ATXN1: variants seen among roughly 807,000 people sequenced by gnomAD.
ATXN1 encodes ataxin-1.
ATXN1 carries 8 observed loss-of-function variants against 56.4 expected under a neutral mutation model. The ratio of observed to expected loss-of-function variants is 0.14; its 90% confidence interval spans 0.08 to 0.26. ATXN1 has a LOEUF of 0.26. Ranked by LOEUF, ATXN1 falls within the 10% of genes least tolerant of loss-of-function variation. The pLI is 1.00. For synonymous variants in ATXN1, 514 were observed against 494.6 expected, an observed-to-expected ratio of 1.04 and a Z score of -0.52; for missense variants, 987 against 1,106.5, an observed-to-expected ratio of 0.89 and a Z score of 1.53.
chr6:16,592,395 C>T (rs890144256), intron 3 of ATXN1, among the ~76,000 whole-genome samples: 10 of 152,110 alleles, frequency 6.6e-5, no homozygotes, highest in African/African-American at 1.2e-4. Flanking sequence ...TACATCATCA[C>T]GCATATGCCG....
At chr6:16,546,441 C>T (rs1282086788) in intron 4 of ATXN1, among the ~76,000 whole-genome samples, 2 of 152,158 alleles carry the variant, frequency 1.3e-5, no homozygotes, top group Non-Finnish European at 2.9e-5. Context: ...CTCCTTCAAG[C>T]CCCACCCCCA....
chr6:16,317,605 G>A (rs1216218257), intron 7 of ATXN1, among the ~76,000 whole-genome samples: 1 of 152,178 alleles, frequency 6.6e-6, no homozygotes, highest in African/African-American at 2.4e-5. Context: ...GATTACAGGT[G>A]TGAGCCACCG....
Position 16,328,475 on chromosome 6 carries a change from G to T in ATXN1, c.-160-5C>A, listed in dbSNP as rs917018105. ...CGCCAACAGCAGCTCTGGATGCTGG[G>T]AAAGGGAAGAGGGCAGTGACAAAGG... On this transcript the variant is annotated splice_polypyrimidine_tract_variant and splice_region_variant and intron_variant, in intron 6 of 7. Coordinates refer to ENST00000436367, the MANE Select transcript of ATXN1 (RefSeq NM_001128164.2). This position sits in a 1 kb window ranked among gnomAD's most constrained non-coding sequence, Gnocchi z 6.2. 143 of 1,231,700 alleles carry T rather than the reference G, an allele frequency of 1.2e-4. No homozygotes were observed. The highest frequency in any genetic ancestry group is 1.3e-4 in the Non-Finnish European group (129 of 961,216). The allele number at this position is 1,231,700 out of a possible 1,614,324, so 76.3% of individuals were successfully genotyped here.
intron 2 of ATXN1, among the ~76,000 whole-genome samples, chr6:16,717,664 C>G (rs947843295): frequency 1.3e-5 from 2 of 152,200 alleles, no homozygotes; most frequent in African/African-American, 4.8e-5. Flanking sequence ...GATTAACATT[C>G]TGGCATAACG....
chr6:16,446,253 T>C (rs1463367441), intron 6 of ATXN1, among the ~76,000 whole-genome samples: 1 of 152,152 alleles, frequency 6.6e-6, no homozygotes, highest in Non-Finnish European at 1.5e-5. Context: ...GTGGTTTTGA[T>C]TTGCATTTCT....
intron 3 of ATXN1, among the ~76,000 whole-genome samples, chr6:16,623,821 A>G (rs1234251987): frequency 6.6e-6 from 1 of 152,244 alleles, no homozygotes; most frequent in Non-Finnish European, 1.5e-5. Flanking sequence ...TGAATAGACT[A>G]AAAACCATTC....
At chr6:16,441,358 G>A (rs558076966) in intron 6 of ATXN1, among the ~76,000 whole-genome samples, 35 of 152,012 alleles carry the variant, frequency 2.3e-4, no homozygotes, top group South Asian at 4.2e-4. Context: ...AACAGAAGAC[G>A]GAGTTCTATG....
At chr6:16,414,314 G>T (rs1758859714) in intron 6 of ATXN1, among the ~76,000 whole-genome samples, 1 of 152,226 alleles carries the variant, frequency 6.6e-6, no homozygotes, top group African/African-American at 2.4e-5. Flanking sequence ...CTATCAGAGA[G>T]TGAGGTCGTA....
intron 6 of ATXN1, among the ~76,000 whole-genome samples, chr6:16,350,644 T>C (rs1761546399): frequency 6.6e-6 from 1 of 152,230 alleles, no homozygotes; most frequent in Non-Finnish European, 1.5e-5. Context: ...AGAATTTGGC[T>C]TTGGCCAAAG....
chr6:16,453,907 G>A (rs1280583539), intron 6 of ATXN1, among the ~76,000 whole-genome samples: 1 of 152,112 alleles, frequency 6.6e-6, no homozygotes, highest in African/African-American at 2.4e-5. Flanking sequence ...TTGGGAGGCT[G>A]AGTCAGGCGG....
chr6:16,417,151 C>T (rs1758927254), intron 6 of ATXN1, among the ~76,000 whole-genome samples: 1 of 152,176 alleles, frequency 6.6e-6, no homozygotes, highest in Non-Finnish European at 1.5e-5. Flanking sequence ...CCCACCTCAG[C>T]TTCCCCAGTA....
chr6:16,559,498 G>A (rs1274081268), intron 4 of ATXN1, among the ~76,000 whole-genome samples: 1 of 152,152 alleles, frequency 6.6e-6, no homozygotes, highest in East Asian at 1.9e-4. Context: ...GGTTTTCCAG[G>A]ACACACTGTT....
In ATXN1 at chr6:16,410,863, G is replaced by A. The variant is rs111964724; in HGVS notation, c.-161+75109C>T. The stretch of plus-strand genomic sequence containing the variant: ...TGGGTGGCCAGGCACAGTGGCTCAC[G>A]CCTGTAATCCCAGCTCTTTGGGAGG... On this transcript the variant is annotated intron_variant, in intron 6 of 7. Transcript: ENST00000436367. The surrounding 1 kb of genome is among the most constrained non-coding windows in gnomAD (Gnocchi z 4.6). Among the ~76,000 whole-genome samples the A allele has an allele frequency of 0.014, 2,108 of 152,238 alleles. 54 individuals carry two copies. Among genetic ancestry groups the A allele is most frequent in the African/African-American group, 0.048 (1,986 of 41,542 alleles).
At chr6:16,361,346 G>C (rs1269013321) in intron 6 of ATXN1, among the ~76,000 whole-genome samples, 1 of 152,156 alleles carries the variant, frequency 6.6e-6, no homozygotes, top group Non-Finnish European at 1.5e-5. Context: ...TGTACCATTT[G>C]GTATTCATTA....
At chr6:16,743,878 G>A (rs895057181) in intron 2 of ATXN1, among the ~76,000 whole-genome samples, 12 of 152,130 alleles carry the variant, frequency 7.9e-5, no homozygotes, top group Non-Finnish European at 2.9e-5. Flanking sequence ...GACGTGGGAC[G>A]AATACAGGGC....
chr6:16,614,362 C>T (rs1763166818), intron 3 of ATXN1, among the ~76,000 whole-genome samples: 1 of 151,692 alleles, frequency 6.6e-6, no homozygotes, highest in South Asian at 2.1e-4. Flanking sequence ...AGCTCTACCT[C>T]TTGGTGGGCC....
chr6:16,319,357 C>T (rs1381749595), intron 7 of ATXN1, among the ~76,000 whole-genome samples: 2 of 152,166 alleles, frequency 1.3e-5, no homozygotes, highest in East Asian at 3.8e-4. Flanking sequence ...AGGCGACATA[C>T]CGGATGATTC....
At chr6:16,401,368 G>A (rs1432707103) in intron 6 of ATXN1, among the ~76,000 whole-genome samples, 1 of 152,124 alleles carries the variant, frequency 6.6e-6, no homozygotes. Context: ...TGAGGCAGGA[G>A]GATCACTTGA....
At position 16,303,033 on chromosome 6, in the gene ATXN1, G is replaced by A. The variant is rs1760150312; in HGVS notation, c.*3296C>T. 1 of 152,632 alleles carries A rather than the reference G, an allele frequency of 6.6e-6. No individual in the cohort carries two copies. The allele number at this position is 152,632 out of a possible 1,614,324, so 9.5% of individuals were successfully genotyped here. ...AGGGAGTGGTGACCGTGGGTGGCAG[G>A]TGGTCCCCTCCACAGCCACTGGCCA... On this transcript the variant is annotated 3_prime_UTR_variant, in exon 8 of 8. Coordinates refer to ENST00000436367, the MANE Select transcript of ATXN1 (RefSeq NM_001128164.2). This position sits in a 1 kb window ranked among gnomAD's most constrained non-coding sequence, Gnocchi z 4.3.
Sources: gnomAD v4.1 joint callset for allele counts (sites outside exome capture counted in the v4.1 genomes callset) on GRCh38, gnomAD v4.1.1 for gene constraint, Gnocchi (gnomAD v3.1) non-coding constraint, MANE v1.5 for transcripts, NCBI Gene and HGNC (gene_info 2026-07-23, HGNC 2026-07-21) for gene names.